The following MMEL1 variants were observed in gnomAD, a reference collection of about 807,000 sequenced individuals.
The protein encoded by MMEL1 is membrane metalloendopeptidase like 1, also known as membrane metallo-endopeptidase-like 1.
Under a neutral mutation model 117.1 loss-of-function variants are expected in MMEL1, and 98 were observed. The ratio of observed to expected loss-of-function variants is 0.84; its 90% confidence interval spans 0.71 to 0.99. The LOEUF (loss-of-function observed/expected upper bound fraction) is 0.99. Among genes scored for constraint, MMEL1 ranks in the 50% least tolerant of loss-of-function variants. The probability of loss-of-function intolerance (pLI) is 0.00; values close to 1 mark genes in which losing one functional copy is unlikely to be tolerated. For synonymous variants in MMEL1, 390 were observed against 415.1 expected, an observed-to-expected ratio of 0.94 and a Z score of 0.74; for missense variants, 1,014 against 1,049.1, an observed-to-expected ratio of 0.97 and a Z score of 0.46.
At chr1:2,627,229 C>T (rs1223577246) in intron 2 of MMEL1, among the ~76,000 whole-genome samples, 2 of 152,142 alleles carry the variant, frequency 1.3e-5, no homozygotes, top group Non-Finnish European at 2.9e-5. Flanking sequence ...TAATTCATAC[C>T]TAAATTTGCG....
intron 2 of MMEL1, among the ~76,000 whole-genome samples, chr1:2,624,822 C>T (rs1227658417): frequency 6.6e-6 from 1 of 152,140 alleles, no homozygotes; most frequent in Non-Finnish European, 1.5e-5. Context: ...TCATTGACTC[C>T]CAGTTCCTCA....
Position 2,595,184 on chromosome 1 carries a change from G to C in MMEL1, c.1584+92C>G. The stretch of plus-strand genomic sequence containing the variant: ...ACAGCTGTGTTAGCGCCTGGGAGGA[G>C]GGCACAGAGCTTGGCACAGAGGAGC... On this transcript the variant is annotated intron_variant, in intron 16 of 23. Coordinates refer to ENST00000378412, the MANE Select transcript of MMEL1 (RefSeq NM_033467.4). The surrounding 1 kb of genome is among the most constrained non-coding windows in gnomAD (Gnocchi z 4.8). 8.5e-7 allele frequency: 1 copy of C among 1,172,540 alleles called. No homozygotes were observed. The highest frequency in any genetic ancestry group is 2.4e-5 in the East Asian group (1 of 42,010). The allele number at this position is 1,172,540 out of a possible 1,614,324, so 72.6% of individuals were successfully genotyped here.
rs550701899 is a variant in MMEL1 at position 2,596,705 on chromosome 1, G to A, written c.1273-16C>T. 3.6e-5 allele frequency: 58 copies of A among 1,610,250 alleles called. 1 individual carries two copies. In the South Asian group the frequency reaches 4.5e-4, roughly 13 times the overall value. ...CAAACAGCGCCTGGTGGGGCCACCC[G>A]ATCATCCCACGGGCCCCCACGTCAG... is the stretch of plus-strand genomic sequence containing the variant. On this transcript the variant is annotated splice_polypyrimidine_tract_variant and intron_variant, in intron 13 of 23. Coordinates refer to ENST00000378412, the MANE Select transcript of MMEL1 (RefSeq NM_033467.4).
At chr1:2,593,327 T>A (rs1052363229) in intron 19 of MMEL1, among the ~76,000 whole-genome samples, 15 of 152,196 alleles carry the variant, frequency 9.9e-5, no homozygotes, top group African/African-American at 3.6e-4. Flanking sequence ...GGACAAGGAC[T>A]GCCCACGGAA....
chr1:2,598,144 G>GT, intron 13 of MMEL1, 63 bp downstream of exon 13: 1 of 1,431,474 alleles, frequency 7.0e-7, no homozygotes, highest in South Asian at 1.2e-5. Flanking sequence ...TACAGCTTAT[G>GT]CTCAGCATCG....
Position 2,612,289 on chromosome 1 carries a change from T to C in MMEL1, c.155-85A>G. 2.6e-6 allele frequency: 3 copies of C among 1,157,016 alleles called. No individual in the cohort carries two copies. Among genetic ancestry groups the C allele is most frequent in the Non-Finnish European group, 3.8e-6 (3 of 794,670 alleles). The allele number at this position is 1,157,016 out of a possible 1,614,324, so 71.7% of individuals were successfully genotyped here. On this transcript the variant is annotated intron_variant, in intron 2 of 23. Coordinates refer to ENST00000378412, the MANE Select transcript of MMEL1 (RefSeq NM_033467.4). This position sits in a 1 kb window ranked among gnomAD's most constrained non-coding sequence, Gnocchi z 5.4. ...GGGGCCTCCCTGGGTCAGCACGCCA[T>C]CTTCCCACAGTGCTGGGTGCTGCAG...
intron 11 of MMEL1, among the ~76,000 whole-genome samples, chr1:2,599,793 G>A (rs1644902306): frequency 6.7e-6 from 1 of 149,292 alleles, no homozygotes; most frequent in African/African-American, 2.5e-5. Flanking sequence ...GGAGGCAGAG[G>A]TTATGGTGAG....
intron 1 of MMEL1, among the ~76,000 whole-genome samples, chr1:2,630,417 T>G (rs954307880): frequency 6.6e-6 from 1 of 152,222 alleles, no homozygotes; most frequent in Middle Eastern, 3.2e-3. Context: ...TGTTCTGGTG[T>G]GTGCATGTGC....
At chr1:2,602,209 A>T (rs1644944368) in intron 11 of MMEL1, among the ~76,000 whole-genome samples, 1 of 152,030 alleles carries the variant, frequency 6.6e-6, no homozygotes, top group Non-Finnish European at 1.5e-5. Context: ...CCAGGGAAGG[A>T]GGCAGGCACA....
chr1:2,591,015 G>C lies in MMEL1; in HGVS notation c.2315C>G (p.Pro772Arg). 6.2e-7 allele frequency: 1 copy of C among 1,602,618 alleles called. No individual in the cohort carries two copies. Among genetic ancestry groups the C allele is most frequent in the Non-Finnish European group, 8.5e-7 (1 of 1,175,712 alleles). Residue 772 changes from proline (P) to arginine (R), a missense_variant, in exon 24 of 24, where the codon CCC becomes CGC. Pro to Arg is a moderately radical substitution (Grantham distance 103). Transcript: ENST00000378412. ...FHCARGTPMH[P>R]KERCRVW ...CTACCACACGCGGCATCGCTCCTTG[G>C]GGTGCATGGGGGTGCCCCGGGCACA...
chr1:2,591,829 G>T, intron 22 of MMEL1, 103 bp downstream of exon 22: 1 of 1,238,200 alleles, frequency 8.1e-7, no homozygotes, highest in Non-Finnish European at 1.2e-6. Context: ...CCCCCAAGGG[G>T]CCTTCCATGC....
intron 7 of MMEL1, 106 bp from the exon 8 acceptor site, chr1:2,606,472 G>C (rs935631212): frequency 1.3e-6 from 1 of 783,104 alleles, no homozygotes; most frequent in Non-Finnish European, 2.1e-6. Context: ...GGGGCCATAG[G>C]GTGGGGAGCT....
At chr1:2,602,704 C>T (rs1295157013) in intron 11 of MMEL1, among the ~76,000 whole-genome samples, 1 of 152,226 alleles carries the variant, frequency 6.6e-6, no homozygotes. Flanking sequence ...ACGGCATCCC[C>T]CGCTTTACTT....
intron 6 of MMEL1, among the ~76,000 whole-genome samples, chr1:2,607,488 G>A (rs745853913): frequency 3.9e-5 from 6 of 151,906 alleles, no homozygotes; most frequent in African/African-American, 1.2e-4. Context: ...GAGGGGGCGC[G>A]GGGTAGGCAG....
chr1:2,594,745 C>T (rs1315903080), intron 17 of MMEL1, 45 bp downstream of exon 17: 1 of 1,531,494 alleles, frequency 6.5e-7, no homozygotes, highest in Non-Finnish European at 9.0e-7. Flanking sequence ...TTACTGGCCA[C>T]TCCCTGGCCC....
chr1:2,591,473 T>G, intron 23 of MMEL1, 84 bp downstream of exon 23: 1 of 1,140,958 alleles, frequency 8.8e-7, no homozygotes, highest in Non-Finnish European at 1.3e-6. Context: ...GAGCCACTTT[T>G]TGTGCTTTCT....
intron 11 of MMEL1, 82 bp downstream of exon 11, chr1:2,603,790 ATGCCAGGCAACG>A (rs1185655152): frequency 5.4e-6 from 6 of 1,120,804 alleles, no homozygotes; most frequent in Non-Finnish European, 7.8e-6. Context: ...CTGAGCTTAA[ATGCCAGGCAACG>A]TGCCCTCTCA....
At chr1:2,631,528 G>T (rs958938407) in intron 1 of MMEL1, among the ~76,000 whole-genome samples, 2 of 152,088 alleles carry the variant, frequency 1.3e-5, no homozygotes, top group African/African-American at 4.8e-5. Context: ...CTCCTCCAGA[G>T]ATCCCTGACC....
rs191593427 is a variant in MMEL1, at chr1:2,622,612, C to T, written c.154+6719G>A. On this transcript the variant is annotated intron_variant, in intron 2 of 23. Transcript: ENST00000378412. ...TAGAAACCAAATTCTTGGCCGGGCG[C>T]GGTGGCTCACATCTGCAATCTCAGC... Among the ~76,000 whole-genome samples, 427 of 152,222 alleles carry T rather than the reference C, an allele frequency of 2.8e-3. 2 individuals carry two copies. Among genetic ancestry groups the T allele is most frequent in the Non-Finnish European group, 4.9e-3 (335 of 68,016 alleles).
Sources: gnomAD v4.1 joint callset for allele counts (sites outside exome capture counted in the v4.1 genomes callset) on GRCh38, gnomAD v4.1.1 for gene constraint, Gnocchi (gnomAD v3.1) non-coding constraint, MANE v1.5 for transcripts, NCBI Gene and HGNC (gene_info 2026-07-23, HGNC 2026-07-21) for gene names.